The following LPIN2 variants were observed in gnomAD, a reference collection of about 807,000 sequenced individuals.
LPIN2 encodes phosphatidate phosphatase LPIN2.
Under a neutral mutation model 111.4 loss-of-function variants are expected in LPIN2, and 55 were observed. The observed-to-expected ratio is 0.49, with a 90% CI of 0.40 to 0.62. The LOEUF (loss-of-function observed/expected upper bound fraction) is 0.62. LPIN2 is among the 20% of genes least tolerant of loss of function. The pLI, the probability that LPIN2 is intolerant of heterozygous loss-of-function variation, is 0.00. For synonymous variants in LPIN2, 425 were observed against 414.0 expected (o/e 1.03, Z -0.32); for missense variants, 992 against 1,112.1 (o/e 0.89, Z 1.54).
chr18:2,974,277 A>C (rs2077971499), intron 1 of LPIN2, among the ~76,000 whole-genome samples: 1 of 151,962 alleles, frequency 6.6e-6, no homozygotes, highest in Admixed American at 6.6e-5. Context: ...ATGGGGTTTC[A>C]CCGTGTTAGC....
chr18:2,949,595 CAAG>C (rs2077503538), intron 4 of LPIN2, among the ~76,000 whole-genome samples: 1 of 151,872 alleles, frequency 6.6e-6, no homozygotes, highest in African/African-American at 2.4e-5. Flanking sequence ...AGCAATAAAA[CAAG>C]AGGAGTAGAA....
At chr18:2,959,813 GT>G (rs2077680050) in intron 2 of LPIN2, among the ~76,000 whole-genome samples, 1 of 151,962 alleles carries the variant, frequency 6.6e-6, no homozygotes, top group African/African-American at 2.4e-5. Flanking sequence ...GATTACAAAA[GT>G]TTTTACAGCT....
At chr18:2,935,489 G>C (rs769495346) in intron 7 of LPIN2, among the ~76,000 whole-genome samples, 17 of 152,174 alleles carry the variant, frequency 1.1e-4, no homozygotes, top group Non-Finnish European at 2.4e-4. Flanking sequence ...GAGGGCATGA[G>C]GGTGTGGATG....
intron 1 of LPIN2, chr18:2,967,699 G>A (rs1206802703): frequency 6.6e-6 from 1 of 152,218 alleles, no homozygotes; most frequent in Non-Finnish European, 1.5e-5. Flanking sequence ...ACAGACTCCC[G>A]ACGCCAAGCC....
At chr18:2,955,985 C>T (rs937741169) in intron 2 of LPIN2, among the ~76,000 whole-genome samples, 2 of 152,136 alleles carry the variant, frequency 1.3e-5, no homozygotes, top group African/African-American at 2.4e-5. Context: ...CATAACCACA[C>T]TGAAGTGAGG....
intron 1 of LPIN2, among the ~76,000 whole-genome samples, chr18:2,973,844 C>G (rs1300896332): frequency 1.3e-5 from 2 of 152,186 alleles, no homozygotes; most frequent in Non-Finnish European, 2.9e-5. Context: ...AAAGCTTTAA[C>G]TGCATCTTGG....
chr18:2,922,037 G>C lies in LPIN2; in HGVS notation c.2327+10C>G. The C allele has an allele frequency of 1.9e-6, 3 of 1,610,478 alleles. No individual in the cohort carries two copies. The highest frequency in any genetic ancestry group is 2.5e-6 in the Non-Finnish European group (3 of 1,177,752). Reference sequence around the variant, plus strand: ...GGCGGTGGGCAGAGGGCTGCCTGCCGGAGAGGTACCTGTGGAAGGCGGAGA... The same window carrying C: ...GGCGGTGGGCAGAGGGCTGCCTGCCCGAGAGGTACCTGTGGAAGGCGGAGA... On this transcript the variant is annotated intron_variant, in intron 17 of 19. Coordinates refer to ENST00000677752, the MANE Select transcript of LPIN2 (RefSeq NM_001375808.2).
At chr18:2,982,599 T>C (rs1021733759) in intron 1 of LPIN2, 2 of 604,188 alleles carry the variant, frequency 3.3e-6, no homozygotes, top group African/African-American at 1.9e-5. Flanking sequence ...TGCCATCCCC[T>C]TGTCTCTCAG....
intron 4 of LPIN2, chr18:2,946,433 T>C (rs2143057066): frequency 2.8e-6 from 4 of 1,445,650 alleles, no homozygotes; most frequent in East Asian, 2.3e-5. Context: ...CTTTAATGCA[T>C]CGTGAAAGAC....
intron 1 of LPIN2, among the ~76,000 whole-genome samples, chr18:2,966,500 T>C (rs1258364351): frequency 6.6e-6 from 1 of 152,204 alleles, no homozygotes; most frequent in African/African-American, 2.4e-5. Context: ...CAGCACACTA[T>C]TAAGTGGCAG....
intron 2 of LPIN2, among the ~76,000 whole-genome samples, chr18:2,959,191 C>T (rs1442130103): frequency 6.6e-6 from 1 of 152,146 alleles, no homozygotes; most frequent in Non-Finnish European, 1.5e-5. Flanking sequence ...TGAACAGAGG[C>T]CAGACCACAC....
intron 1 of LPIN2, among the ~76,000 whole-genome samples, chr18:2,993,093 C>T (rs2078290305): frequency 1.3e-5 from 2 of 151,480 alleles, no homozygotes; most frequent in African/African-American, 4.9e-5. Context: ...TGCAGTAAGC[C>T]ATGATTGCAC....
At position 2,925,464 on chromosome 18, in the gene LPIN2, C is replaced by G. The variant is rs967533074; in HGVS notation, c.1794-96G>C. 6.7e-5 allele frequency: 102 copies of G among 1,525,218 alleles called. No homozygotes were observed. Among genetic ancestry groups the G allele is most frequent in the Middle Eastern group, 2.2e-4 (1 of 4,492 alleles). The allele number at this position is 1,525,218 out of a possible 1,614,324, so 94.5% of individuals were successfully genotyped here. A position where few individuals can be genotyped will look rare whatever the true frequency, so the allele number is the denominator to read the frequency against. On this transcript the variant is annotated intron_variant, in intron 13 of 19. Coordinates refer to ENST00000677752, the MANE Select transcript of LPIN2 (RefSeq NM_001375808.2). The surrounding 1 kb of genome is among the most constrained non-coding windows in gnomAD (Gnocchi z 4.1). ...TCAAGAAAATAAAGATATCCTAAAT[C>G]TTTTCTAGGAATGGGTAGAGTTATC...
chr18:2,994,821 A>C (rs1259630661), intron 1 of LPIN2, among the ~76,000 whole-genome samples: 1 of 152,184 alleles, frequency 6.6e-6, no homozygotes. Flanking sequence ...GTGTGTGGGC[A>C]AAATTGTCTG....
Position 2,926,705 on chromosome 18 carries a change from A to G in LPIN2, c.1793+18T>C, listed in dbSNP as rs533296054. Reference sequence around the variant, plus strand: ...AGGGCCTGAGTGCTATGAGCCGGGCAGAGGACAGGGCACCCACCTGGCACC... The same window carrying G: ...AGGGCCTGAGTGCTATGAGCCGGGCGGAGGACAGGGCACCCACCTGGCACC... On this transcript the variant is annotated intron_variant, in intron 13 of 19. Coordinates refer to ENST00000677752, the MANE Select transcript of LPIN2 (RefSeq NM_001375808.2). The G allele has an allele frequency of 1.4e-4, 224 of 1,609,488 alleles. No homozygotes were observed. Among genetic ancestry groups the G allele is most frequent in the Non-Finnish European group, 1.7e-4 (200 of 1,178,920 alleles).
intron 1 of LPIN2, among the ~76,000 whole-genome samples, chr18:2,964,033 G>A (rs1271725315): frequency 6.6e-6 from 1 of 151,816 alleles, no homozygotes; most frequent in African/African-American, 2.4e-5. Context: ...TGTAATCCCA[G>A]CACTCTGAGA....
At chr18:2,928,765 G>T in intron 10 of LPIN2, 105 bp from the exon 11 acceptor site, 2 of 872,950 alleles carry the variant, frequency 2.3e-6, no homozygotes, top group Non-Finnish European at 1.9e-6. Flanking sequence ...ATATAAAATT[G>T]CTTATTCTTT....
chr18:2,929,015 G>C, intron 10 of LPIN2, 50 bp downstream of exon 10: 2 of 1,218,526 alleles, frequency 1.6e-6, no homozygotes, highest in Non-Finnish European at 1.2e-6. Flanking sequence ...AATGGCACTT[G>C]TAAAAAAACT....
At chr18:2,989,511 A>C (rs1215983227) in intron 1 of LPIN2, among the ~76,000 whole-genome samples, 2 of 152,224 alleles carry the variant, frequency 1.3e-5, no homozygotes, top group Non-Finnish European at 2.9e-5. Flanking sequence ...ATCCCTATCA[A>C]AATTCCAAAA....
Sources: allele counts gnomAD v4.1 joint callset (sites outside exome capture counted in the v4.1 genomes callset), GRCh38; gene constraint gnomAD v4.1.1; non-coding constraint Gnocchi (gnomAD v3.1); transcripts MANE v1.5; gene names NCBI Gene and HGNC (gene_info 2026-07-23, HGNC 2026-07-21).